ARSG: variants seen among roughly 807,000 people sequenced by gnomAD.
The protein encoded by ARSG is arylsulfatase G.
Under a neutral mutation model 50.5 loss-of-function variants are expected in ARSG, and 37 were observed. That is an observed-to-expected ratio of 0.73 (90% confidence interval 0.56 to 0.96). ARSG has a LOEUF of 0.96. ARSG is among the 50% of genes least tolerant of loss of function. The probability of loss-of-function intolerance (pLI) is 0.00; values close to 1 mark genes in which losing one functional copy is unlikely to be tolerated. For synonymous variants in ARSG, 225 were observed against 254.6 expected (o/e 0.88, Z 1.11); for missense variants, 629 against 675.3 (o/e 0.93, Z 0.76).
intron 9 of ARSG, among the ~76,000 whole-genome samples, chr17:68,387,269 CAG>C (rs909677977): frequency 6.6e-5 from 10 of 152,090 alleles, no homozygotes; most frequent in Non-Finnish European, 1.5e-4. Context: ...GCTGGGACTA[CAG>C]GCATGCACCA....
chr17:68,414,494 T>G (rs1296195835), intron 11 of ARSG, among the ~76,000 whole-genome samples: 2 of 152,208 alleles, frequency 1.3e-5, no homozygotes, highest in Non-Finnish European at 2.9e-5. Flanking sequence ...AGTTTTCTTT[T>G]TTGGTTATGT....
At chr17:68,333,673 T>TAATAATAAA (rs894206591) in intron 2 of ARSG, among the ~76,000 whole-genome samples, 1 of 133,460 alleles carries the variant, frequency 7.5e-6, no homozygotes, top group African/African-American at 2.7e-5. Context: ...ATAATAATAA[T>TAATAATAAA]AAAAGAGTAA....
intron 2 of ARSG, among the ~76,000 whole-genome samples, chr17:68,309,230 A>C (rs2076743818): frequency 6.6e-6 from 1 of 152,086 alleles, no homozygotes; most frequent in Non-Finnish European, 1.5e-5. Flanking sequence ...GCCCACGCCC[A>C]CCCGGAACTC....
At chr17:68,440,390 A>C in the ARSG span, among the ~76,000 whole-genome samples, 1 of 152,264 alleles carries the variant, frequency 6.6e-6, no homozygotes, top group Admixed American at 6.5e-5. Context: ...TCTTTCTGTT[A>C]CAGGTGTTAC....
chr17:68,384,187 G>A (rs113770562), intron 8 of ARSG, among the ~76,000 whole-genome samples: 2,593 of 152,264 alleles, frequency 0.017, 36 homozygotes, highest in Middle Eastern at 0.037. Context: ...CTGTGCACAC[G>A]CTAACTTTGT....
At chr17:68,336,306 T>G (rs111471316) in intron 2 of ARSG, among the ~76,000 whole-genome samples, 2,664 of 150,874 alleles carry the variant, frequency 0.018, 79 homozygotes, top group African/African-American at 0.061. Flanking sequence ...TTCTCCCAGA[T>G]TCAAGCGGTT....
intron 11 of ARSG, among the ~76,000 whole-genome samples, chr17:68,411,230 A>T (rs376822238): frequency 6.6e-6 from 1 of 152,092 alleles, no homozygotes; most frequent in African/African-American, 2.4e-5. Context: ...TGTCAATTTT[A>T]GATCTTTTCT....
intron 1 of ARSG, among the ~76,000 whole-genome samples, chr17:68,293,405 C>T (rs1346549722): frequency 6.6e-6 from 1 of 152,014 alleles, no homozygotes; most frequent in African/African-American, 2.4e-5. Flanking sequence ...TCAAATTATA[C>T]CTAAATCCTC....
upstream of ARSG, among the ~76,000 whole-genome samples, chr17:68,286,741 G>C (rs1555754458): frequency 9.2e-5 from 14 of 152,132 alleles, no homozygotes. Context: ...CTGACCTCAA[G>C]TGATCTGCCC....
chr17:68,287,726 A>G (rs1485900498), upstream of ARSG, among the ~76,000 whole-genome samples: 1 of 152,102 alleles, frequency 6.6e-6, no homozygotes, highest in Non-Finnish European at 1.5e-5. Flanking sequence ...CCTATGTCCT[A>G]TTAAATTTAG....
intron 5 of ARSG, among the ~76,000 whole-genome samples, chr17:68,352,094 AG>A: frequency 8.0e-6 from 1 of 125,170 alleles, no homozygotes; most frequent in East Asian, 2.2e-4. Flanking sequence ...CAGAGGAGAG[AG>A]AGAGAGAGAG....
chr17:68,427,698 C>G (rs534150195), downstream of ARSG: 1 of 158,332 alleles, frequency 6.3e-6, no homozygotes, highest in Non-Finnish European at 1.4e-5. Context: ...AGTCACACAC[C>G]GTCAAAATGG....
At chr17:68,402,297 T>A (rs1008523710) in intron 11 of ARSG, among the ~76,000 whole-genome samples, 1 of 152,108 alleles carries the variant, frequency 6.6e-6, no homozygotes, top group Non-Finnish European at 1.5e-5. Flanking sequence ...CAGGATGGAG[T>A]GCAGTGGCGT....
chr17:68,425,156 C>T (rs1046608193), downstream of ARSG, among the ~76,000 whole-genome samples: 4 of 152,190 alleles, frequency 2.6e-5, no homozygotes, highest in African/African-American at 9.6e-5. Context: ...TAAAGGTGCT[C>T]GGGCAAGCTC....
intron 2 of ARSG, among the ~76,000 whole-genome samples, chr17:68,340,986 G>A (rs1327926314): frequency 6.6e-6 from 1 of 151,878 alleles, no homozygotes; most frequent in Non-Finnish European, 1.5e-5. Flanking sequence ...TTCCTGATTA[G>A]GAACATTAAT....
chr17:68,348,548 T>C (rs1445439992), intron 4 of ARSG, among the ~76,000 whole-genome samples: 1 of 152,116 alleles, frequency 6.6e-6, no homozygotes, highest in African/African-American at 2.4e-5. Flanking sequence ...CTCCTGCCTC[T>C]TACATCCTCT....
chr17:68,354,603 C>T (rs1199656734), intron 5 of ARSG, among the ~76,000 whole-genome samples: 3 of 151,042 alleles, frequency 2.0e-5, no homozygotes, highest in African/African-American at 7.3e-5. Context: ...TTCTTTTTCT[C>T]TTTTAAAAAA....
chr17:68,315,882 C>T lies in ARSG; in HGVS notation c.218+8171C>T, dbSNP rs1374893192. ...TCGACCTCAGGTGATCCACCTGCCT[C>T]GGCCTCCCAAAGTGCTGGGATTACA... On this transcript the variant is annotated intron_variant, in intron 2 of 11. Coordinates refer to ENST00000621439, the MANE Select transcript of ARSG (RefSeq NM_001267727.2). Among the ~76,000 whole-genome samples the T allele has an allele frequency of 2.0e-5, 3 of 152,126 alleles. No individual in the cohort carries two copies. The South Asian group carries it at 6.2e-4, about 32-fold the overall frequency.
chr17:68,358,831 T>TG (rs1395085454), intron 6 of ARSG, among the ~76,000 whole-genome samples: 1 of 151,726 alleles, frequency 6.6e-6, no homozygotes. Flanking sequence ...GGTGCCACCG[T>TG]ACTCCAGCCT....
Sources: gnomAD v4.1 joint callset for allele counts (sites outside exome capture counted in the v4.1 genomes callset) on GRCh38, gnomAD v4.1.1 for gene constraint, MANE v1.5 for transcripts, NCBI Gene and HGNC (gene_info 2026-07-23, HGNC 2026-07-21) for gene names.